STAG1: variants seen among roughly 807,000 people sequenced by gnomAD.
The protein encoded by STAG1 is cohesin subunit SA-1.
In STAG1, 26 loss-of-function variants were observed where a neutral mutation model predicts 170.9. The ratio of observed to expected loss-of-function variants is 0.15; its 90% CI spans 0.11 to 0.21. The LOEUF (loss-of-function observed/expected upper bound fraction) is 0.21. Ranked by LOEUF, STAG1 falls within the 10% of genes least tolerant of loss-of-function variation. STAG1 has a pLI of 1.00. For missense variants in STAG1, 964 were observed against 1,509.5 expected (o/e 0.64, Z 5.99); for synonymous variants, 514 against 497.7 (o/e 1.03, Z -0.44).
intron 12 of STAG1, among the ~76,000 whole-genome samples, chr3:136,467,015 GA>G (rs2089482637): frequency 6.6e-6 from 1 of 152,126 alleles, no homozygotes; most frequent in East Asian, 1.9e-4. Context: ...ACTAAACATG[GA>G]AAGGAACAAC....
intron 28 of STAG1, among the ~76,000 whole-genome samples, chr3:136,349,699 T>C (rs1224403098): frequency 6.6e-6 from 1 of 152,192 alleles, no homozygotes; most frequent in African/African-American, 2.4e-5. Flanking sequence ...TCTTATAAAG[T>C]GTTCAAGCCA....
At chr3:136,558,913 A>T (rs1024031899) in intron 5 of STAG1, among the ~76,000 whole-genome samples, 2 of 152,252 alleles carry the variant, frequency 1.3e-5, no homozygotes, top group Non-Finnish European at 2.9e-5. Context: ...TATACTTTAC[A>T]GTAGTTCTCA....
At chr3:136,661,737 C>T (rs539886890) in intron 1 of STAG1, among the ~76,000 whole-genome samples, 1 of 152,242 alleles carries the variant, frequency 6.6e-6, no homozygotes, top group East Asian at 1.9e-4. Context: ...AAAATGAATT[C>T]AAAATCCAAG....
intron 22 of STAG1, among the ~76,000 whole-genome samples, chr3:136,387,291 A>G (rs906086670): frequency 2.0e-5 from 3 of 152,216 alleles, no homozygotes; most frequent in African/African-American, 7.2e-5. Context: ...CCAATAAAAC[A>G]TCATTTACAA....
At chr3:136,424,775 T>C (rs899008695) in intron 16 of STAG1, among the ~76,000 whole-genome samples, 4 of 152,202 alleles carry the variant, frequency 2.6e-5, no homozygotes, top group Non-Finnish European at 5.9e-5. Flanking sequence ...TATTTTTCCT[T>C]TGACCTAGCA....
chr3:136,607,363 T>C (rs1398607676), intron 3 of STAG1, among the ~76,000 whole-genome samples: 1 of 152,208 alleles, frequency 6.6e-6, no homozygotes, highest in African/African-American at 2.4e-5. Context: ...TACTCATCAT[T>C]TATTTTATAC....
At chr3:136,637,910 T>C (rs1576698637) in intron 1 of STAG1, among the ~76,000 whole-genome samples, 1 of 151,778 alleles carries the variant, frequency 6.6e-6, no homozygotes, top group Non-Finnish European at 1.5e-5. Context: ...TCTTGCTCTG[T>C]AGCCCAGGTT....
chr3:136,678,850 CAAAAAAAAA>C (rs559610524), intron 1 of STAG1, among the ~76,000 whole-genome samples: 2 of 35,424 alleles, frequency 5.6e-5, no homozygotes, highest in Non-Finnish European at 6.0e-5. Context: ...CCCATGCTCA[CAAAAAAAAA>C]AAAAAAAGAA....
intron 9 of STAG1, among the ~76,000 whole-genome samples, chr3:136,498,255 C>CATACATATACAT (rs1559841885): frequency 3.8e-5 from 3 of 78,400 alleles, no homozygotes; most frequent in Non-Finnish European, 6.9e-5. Flanking sequence ...TACATACACA[C>CATACATATACAT]ACACACACAC....
chr3:136,597,879 C>T (rs1202299261), intron 4 of STAG1, among the ~76,000 whole-genome samples: 1 of 151,756 alleles, frequency 6.6e-6, no homozygotes, highest in Non-Finnish European at 1.5e-5. Flanking sequence ...TAAACTTCAC[C>T]GTTATTTAAA....
At chr3:136,401,946 G>A (rs113317862) in intron 21 of STAG1, among the ~76,000 whole-genome samples, 11,099 of 151,900 alleles carry the variant, frequency 0.073, 422 homozygotes, top group Non-Finnish European at 0.087. Flanking sequence ...GGTTCACCAT[G>A]TTGGTCAGGC....
At chr3:136,519,736 A>G (rs946578569) in intron 7 of STAG1, among the ~76,000 whole-genome samples, 1 of 152,136 alleles carries the variant, frequency 6.6e-6, no homozygotes, top group African/African-American at 2.4e-5. Flanking sequence ...TTTGAATAAT[A>G]AACAGTATTT....
At chr3:136,665,611 C>T (rs766531255) in intron 1 of STAG1, among the ~76,000 whole-genome samples, 11 of 151,060 alleles carry the variant, frequency 7.3e-5, no homozygotes, top group Non-Finnish European at 1.5e-4. Context: ...AACCCCATCT[C>T]TACTAAAAAT....
intron 1 of STAG1, among the ~76,000 whole-genome samples, chr3:136,660,341 G>A (rs1031096022): frequency 2.0e-5 from 3 of 152,052 alleles, no homozygotes; most frequent in Admixed American, 6.6e-5. Flanking sequence ...TACTTTTAAC[G>A]TATGGCCCAC....
intron 5 of STAG1, among the ~76,000 whole-genome samples, chr3:136,556,445 C>G (rs969692404): frequency 6.6e-6 from 1 of 152,126 alleles, no homozygotes; most frequent in Non-Finnish European, 1.5e-5. Flanking sequence ...AGAATGCTTC[C>G]CACGACAAAG....
At chr3:136,459,199 A>C (rs2089204252) in intron 13 of STAG1, among the ~76,000 whole-genome samples, 1 of 151,202 alleles carries the variant, frequency 6.6e-6, no homozygotes, top group Admixed American at 6.6e-5. Context: ...GCCTGGCGAC[A>C]GAGCGAGACT....
chr3:136,472,030 G>T (rs757735111), intron 12 of STAG1, among the ~76,000 whole-genome samples: 2 of 152,068 alleles, frequency 1.3e-5, no homozygotes, highest in Admixed American at 6.6e-5. Flanking sequence ...TAGAGACAGG[G>T]TCTCCCCTTT....
At position 136,549,543 on chromosome 3, in the gene STAG1, T is replaced by C. The variant is rs968625271; in HGVS notation, c.395-7348A>G. 2.9e-4 allele frequency among the ~76,000 whole-genome samples: 44 copies of C among 152,210 alleles called. 1 individual carries two copies. The highest frequency in any genetic ancestry group is 1.0e-3 in the African/African-American group (43 of 41,526). On this transcript the variant is annotated intron_variant, in intron 5 of 33. Coordinates refer to ENST00000383202, the MANE Select transcript of STAG1 (RefSeq NM_005862.3). ...CTTGAACTCCTGACCTCAGGTGATC[T>C]GCCTGCCTCAGCCTCCCAAAGTGCT...
At chr3:136,684,518 G>C (rs1446712713) in intron 1 of STAG1, among the ~76,000 whole-genome samples, 1 of 152,202 alleles carries the variant, frequency 6.6e-6, no homozygotes, top group Non-Finnish European at 1.5e-5. Flanking sequence ...GGGAGGCTGA[G>C]GCAGGTGGAT....
Sources: gnomAD v4.1 joint callset for allele counts (sites outside exome capture counted in the v4.1 genomes callset) on GRCh38, gnomAD v4.1.1 for gene constraint, MANE v1.5 for transcripts, NCBI Gene and HGNC (gene_info 2026-07-23, HGNC 2026-07-21) for gene names.